SLIT3: variants seen among roughly 807,000 people sequenced by gnomAD.
The protein encoded by SLIT3 is slit homolog 3 protein.
A neutral mutation model predicts 184.0 loss-of-function variants in SLIT3; 68 were observed. The observed-to-expected ratio is 0.37, with a 90% CI of 0.30 to 0.45. The LOEUF (loss-of-function observed/expected upper bound fraction) is 0.45. SLIT3 is among the 20% of genes least tolerant of loss of function. The pLI is 1.00. For missense variants in SLIT3, 1,707 were observed against 2,026.0 expected, an observed-to-expected ratio of 0.84 and a Z score of 3.02; for synonymous variants, 831 against 828.6, an observed-to-expected ratio of 1.00 and a Z score of -0.05.
chr5:169,289,205 C>T (rs187510353), intron 1 of SLIT3, among the ~76,000 whole-genome samples: 4 of 152,300 alleles, frequency 2.6e-5, no homozygotes, highest in Admixed American at 6.5e-5. Flanking sequence ...CTACTCATTT[C>T]GGCTTACATC....
intron 4 of SLIT3, among the ~76,000 whole-genome samples, chr5:169,071,429 A>G (rs756100361): frequency 1.3e-5 from 2 of 152,232 alleles, no homozygotes; most frequent in Non-Finnish European, 2.9e-5. Context: ...GGGCAAAATA[A>G]AGAGGAGAAA....
intron 4 of SLIT3, among the ~76,000 whole-genome samples, chr5:168,916,957 G>A (rs1339351282): frequency 7.2e-5 from 11 of 152,168 alleles, no homozygotes; most frequent in Non-Finnish European, 1.5e-4. Context: ...TGATAGCGGC[G>A]TCTCTCCCTG....
At chr5:168,690,987 G>C (rs115622550) in intron 29 of SLIT3, among the ~76,000 whole-genome samples, 2,591 of 152,164 alleles carry the variant, frequency 0.017, 74 homozygotes, top group African/African-American at 0.06. Context: ...CACCCTCAAG[G>C]GTCACCCACA....
chr5:169,011,540 C>T (rs1459745862), intron 4 of SLIT3, among the ~76,000 whole-genome samples: 1 of 152,060 alleles, frequency 6.6e-6, no homozygotes. Flanking sequence ...AAGAATGAGG[C>T]CAGACTATCA....
At chr5:168,969,671 G>A (rs1387300873) in intron 4 of SLIT3, among the ~76,000 whole-genome samples, 2 of 152,214 alleles carry the variant, frequency 1.3e-5, no homozygotes, top group African/African-American at 4.8e-5. Context: ...GGAGCTGACA[G>A]CTTGATAAAT....
At chr5:168,701,666 G>C (rs554906648) in intron 26 of SLIT3, among the ~76,000 whole-genome samples, 1 of 152,336 alleles carries the variant, frequency 6.6e-6, no homozygotes, top group South Asian at 2.1e-4. Flanking sequence ...CTTTGGGACT[G>C]ACAGACCAGT....
At position 169,194,954 on chromosome 5, in the gene SLIT3, C is replaced by T. The variant is rs117414092; in HGVS notation, c.342-1404G>A. ...CTCTGCCCTAGTGAGTTGACACAGC[C>T]TAGCAAGGGAAACAGGAAGCCACCC... On this transcript the variant is annotated intron_variant, in intron 3 of 35. Coordinates refer to ENST00000519560, the MANE Select transcript of SLIT3 (RefSeq NM_003062.4). 1.4e-3 allele frequency among the ~76,000 whole-genome samples: 212 copies of T among 152,250 alleles called. 2 individuals carry two copies. The East Asian group carries it at 0.03, about 22-fold the overall frequency.
At chr5:169,105,703 C>T (rs762920737) in intron 4 of SLIT3, among the ~76,000 whole-genome samples, 7 of 152,204 alleles carry the variant, frequency 4.6e-5, no homozygotes, top group Non-Finnish European at 1.0e-4. Flanking sequence ...TGAGAACATG[C>T]AGTGTTTGGT....
chr5:169,272,030 A>G (rs997613984), intron 1 of SLIT3, among the ~76,000 whole-genome samples: 23 of 152,252 alleles, frequency 1.5e-4, no homozygotes, highest in African/African-American at 5.3e-4. Flanking sequence ...GCAGAAGCCC[A>G]TCAAGCTCTC....
intron 4 of SLIT3, among the ~76,000 whole-genome samples, chr5:168,884,326 G>A (rs2036558): frequency 0.19 from 29,076 of 150,290 alleles, 2,969 homozygotes; most frequent in Admixed American, 0.25. Context: ...AAGCCTCTCT[G>A]AGGACTATGG....
In SLIT3 at chr5:168,967,437, C is replaced by T. The variant is rs201450170; in HGVS notation, c.414-84101G>A. 9.3e-3 allele frequency among the ~76,000 whole-genome samples: 303 copies of T among 32,696 alleles called. 1 individual carries two copies. The highest frequency in any genetic ancestry group is 0.01 in the Non-Finnish European group (185 of 17,732). 21.4% of individuals were successfully genotyped at this position (32,696 alleles called of 152,430 possible). The stretch of plus-strand genomic sequence containing the variant: ...TTCCTCTGGCACTGCCATCTCAAAT[C>T]TTTTTTTTTTTTTTTTTTTTGAGAC... On this transcript the variant is annotated intron_variant, in intron 4 of 35. Coordinates refer to ENST00000519560, the MANE Select transcript of SLIT3 (RefSeq NM_003062.4).
In SLIT3 at chr5:168,760,187, G is replaced by T. The variant is rs117844423; in HGVS notation, c.1685+675C>A. On this transcript the variant is annotated intron_variant, in intron 16 of 35. Coordinates refer to ENST00000519560, the MANE Select transcript of SLIT3 (RefSeq NM_003062.4). ...GACTCAGTGAGACAATGGGTGTGACGCAGGGAGCATGGTCCTTAGCTCAGG... is the reference window on the plus strand; with the variant it reads ...GACTCAGTGAGACAATGGGTGTGACTCAGGGAGCATGGTCCTTAGCTCAGG... Among the ~76,000 whole-genome samples, 25 of 152,316 alleles carry T rather than the reference G, an allele frequency of 1.6e-4. No homozygotes were observed. The East Asian group carries it at 4.8e-3, about 29-fold the overall frequency.
chr5:168,676,794 A>G (rs1287248707), intron 32 of SLIT3, among the ~76,000 whole-genome samples: 1 of 152,232 alleles, frequency 6.6e-6, no homozygotes, highest in East Asian at 1.9e-4. Context: ...CGCTTCCAAC[A>G]TTATGATTCA....
intron 5 of SLIT3, among the ~76,000 whole-genome samples, chr5:168,854,915 A>C (rs1313629826): frequency 6.6e-6 from 1 of 152,236 alleles, no homozygotes; most frequent in African/African-American, 2.4e-5. Context: ...AACTGCTGAA[A>C]AAAGGAGCAT....
chr5:169,206,272 A>G lies in SLIT3; in HGVS notation c.342-12722T>C, dbSNP rs73317657. ...TGAGGAATTAAGAGAAAAATACTTCAGGCAGCTATTAGGATTTTTTCCCCT... is the reference window on the plus strand; with the variant it reads ...TGAGGAATTAAGAGAAAAATACTTCGGGCAGCTATTAGGATTTTTTCCCCT... On this transcript the variant is annotated intron_variant, in intron 3 of 35. Coordinates refer to ENST00000519560, the MANE Select transcript of SLIT3 (RefSeq NM_003062.4). Among the ~76,000 whole-genome samples, 477 of 152,334 alleles carry G rather than the reference A, an allele frequency of 3.1e-3. 3 individuals are homozygous for G. The highest frequency in any genetic ancestry group is 0.011 in the African/African-American group (458 of 41,572).
intron 18 of SLIT3, among the ~76,000 whole-genome samples, chr5:168,751,701 A>G (rs1754717178): frequency 6.7e-6 from 1 of 150,282 alleles, no homozygotes; most frequent in Non-Finnish European, 1.5e-5. Flanking sequence ...TCTGGTCCTG[A>G]TACCCACTGA....
At chr5:168,700,513 T>G in intron 27 of SLIT3, 69 bp downstream of exon 27, 7 of 1,083,122 alleles carry the variant, frequency 6.5e-6, no homozygotes, top group Non-Finnish European at 8.6e-6. Flanking sequence ...TACCCAGTCT[T>G]GGGTATGTCT....
intron 4 of SLIT3, 88 bp downstream of exon 4, chr5:169,193,391 C>T (rs1763622969): frequency 9.0e-7 from 1 of 1,115,202 alleles, no homozygotes; most frequent in South Asian, 1.2e-5. Context: ...CCAAGCTCCA[C>T]ACGGCACGGC....
At chr5:168,673,746 C>T (rs1257982646) in intron 32 of SLIT3, among the ~76,000 whole-genome samples, 1 of 152,158 alleles carries the variant, frequency 6.6e-6, no homozygotes, top group Non-Finnish European at 1.5e-5. Context: ...ATCTGTATTC[C>T]AGTTCTGCAT....
Sources: gnomAD v4.1 joint callset for allele counts (sites outside exome capture counted in the v4.1 genomes callset) on GRCh38, gnomAD v4.1.1 for gene constraint, MANE v1.5 for transcripts, NCBI Gene and HGNC (gene_info 2026-07-23, HGNC 2026-07-21) for gene names.